The following CLGN variants were observed in gnomAD, a reference collection of about 807,000 sequenced individuals.
CLGN encodes the protein testis tissue sperm-binding protein Li 79P.
In CLGN, 62 loss-of-function variants were observed where a neutral mutation model predicts 79.1. The ratio of observed to expected loss-of-function variants is 0.78; its 90% CI spans 0.64 to 0.97. CLGN has a LOEUF of 0.97. CLGN is among the 50% of genes least tolerant of loss of function. The pLI is 0.00. For synonymous variants in CLGN, 225 were observed against 224.7 expected (o/e 1.00, Z -0.01); for missense variants, 647 against 715.5 (o/e 0.90, Z 1.09).
At position 140,392,214 on chromosome 4, in the gene CLGN, C is replaced by T; in HGVS notation, c.1651+5G>A. 1 of 1,611,926 alleles carries T rather than the reference C, an allele frequency of 6.2e-7. No homozygotes were observed. Among genetic ancestry groups the T allele is most frequent in the Non-Finnish European group, 8.5e-7 (1 of 1,179,088 alleles). On this transcript the variant is annotated splice_donor_5th_base_variant and intron_variant, in intron 13 of 14. Transcript: ENST00000325617. ...CTCCATTATAAATCACTCTCATCATCTTACCTTTTTCAAGCATTTCACCAT... is the reference window on the plus strand; with the variant it reads ...CTCCATTATAAATCACTCTCATCATTTTACCTTTTTCAAGCATTTCACCAT...
chr4:140,398,926 G>T lies in CLGN; in HGVS notation c.809C>A (p.Pro270His), dbSNP rs1476801105. ...PIKPPKEIED[P>H]NDKKPEEWDE... ...CCATTCCTCAGGTTTTTTATCATTGGGATCTTCAATTTCTTTGGGAGGTTT... is the reference window on the plus strand; with the variant it reads ...CCATTCCTCAGGTTTTTTATCATTGTGATCTTCAATTTCTTTGGGAGGTTT... Residue 270 changes from proline to histidine, a missense_variant, in exon 8 of 15, where the codon CCC (proline) becomes CAC (histidine). Pro to His is a moderately conservative substitution (Grantham distance 77, BLOSUM62 -2). Transcript: ENST00000325617. The T allele has an allele frequency of 1.2e-6, 2 of 1,613,652 alleles. No individual in the cohort carries two copies. Among genetic ancestry groups the T allele is most frequent in the African/African-American group, 2.7e-5 (2 of 74,842 alleles).
At chr4:140,402,481 G>A (rs574090411) in intron 5 of CLGN, among the ~76,000 whole-genome samples, 2 of 151,988 alleles carry the variant, frequency 1.3e-5, no homozygotes, top group South Asian at 4.1e-4. Context: ...AGATTTCTAC[G>A]AAATTGCTAA....
chr4:140,392,197 T>C (rs763034849), intron 13 of CLGN, 22 bp downstream of exon 13: 2 of 1,609,546 alleles, frequency 1.2e-6, no homozygotes, highest in Non-Finnish European at 1.7e-6. Context: ...GTCTCCATTA[T>C]AAATCACTCT....
In CLGN at chr4:140,396,234, T is replaced by A. The variant is rs374979081; in HGVS notation, c.885-29A>T. ...TAAATACAACGTTTTATATTACTAA[T>A]TATTCAGAAAGTTTAAAAATGCATG... On this transcript the variant is annotated intron_variant, in intron 8 of 14. Transcript: ENST00000325617. 3 of 1,520,316 alleles carry A rather than the reference T, an allele frequency of 2.0e-6. No homozygotes were observed. The African/African-American group carries it at 4.1e-5, about 21-fold the overall frequency. 94.2% of individuals were successfully genotyped at this position (1,520,316 alleles called of 1,614,324 possible).
intron 1 of CLGN, among the ~76,000 whole-genome samples, chr4:140,427,118 C>CG (rs35118155): frequency 0.9 from 137,509 of 151,994 alleles, 62,651 homozygotes; most frequent in East Asian, 0.99. Flanking sequence ...GAGAGCGCCC[C>CG]GGGCTCAAGC....
intron 3 of CLGN, 73 bp downstream of exon 3, chr4:140,410,480 T>C: frequency 9.4e-7 from 1 of 1,069,204 alleles, no homozygotes; most frequent in Admixed American, 2.0e-5. Flanking sequence ...GAGATAATTT[T>C]CATAGGCCAA....
intron 1 of CLGN, among the ~76,000 whole-genome samples, chr4:140,418,897 T>G (rs1729401719): frequency 6.6e-6 from 1 of 152,188 alleles, no homozygotes. Context: ...TAAAGACTCA[T>G]GCACACGTAT....
At chr4:140,400,601 T>G in intron 6 of CLGN, 52 bp from the exon 7 acceptor site, 2 of 1,180,470 alleles carry the variant, frequency 1.7e-6, no homozygotes, top group East Asian at 4.9e-5. Context: ...GACTATTTAA[T>G]GCATTTCTGT....
At chr4:140,389,818 A>T (rs1728739859) in intron 14 of CLGN, among the ~76,000 whole-genome samples, 1 of 151,834 alleles carries the variant, frequency 6.6e-6, no homozygotes, top group Non-Finnish European at 1.5e-5. Flanking sequence ...CAATAATTGC[A>T]AATTTATTTG....
At chr4:140,396,239 C>T (rs1331337997) in intron 8 of CLGN, 34 bp from the exon 9 acceptor site, 1 of 1,501,752 alleles carries the variant, frequency 6.7e-7, no homozygotes, top group South Asian at 1.1e-5. Context: ...ACTAATTATT[C>T]AGAAAGTTTA....
Position 140,397,127 on chromosome 4 carries a change from G to A in CLGN, c.885-922C>T, listed in dbSNP as rs1176215333. Among the ~76,000 whole-genome samples, 3 of 151,490 alleles carry A rather than the reference G, an allele frequency of 2.0e-5. No individual in the cohort carries two copies. The East Asian group carries it at 5.8e-4, about 29-fold the overall frequency. Reference sequence around the variant, plus strand: ...ATCTGTGAAAATATAATTGTTAAGAGTATGGACATTTTAAATTTTGATAGT... The same window carrying A: ...ATCTGTGAAAATATAATTGTTAAGAATATGGACATTTTAAATTTTGATAGT... On this transcript the variant is annotated intron_variant, in intron 8 of 14. Coordinates refer to ENST00000325617, the MANE Select transcript of CLGN (RefSeq NM_004362.3).
At chr4:140,393,712 T>C in intron 11 of CLGN, 114 bp downstream of exon 11, 2 of 856,496 alleles carry the variant, frequency 2.3e-6, no homozygotes, top group Non-Finnish European at 3.6e-6. Flanking sequence ...CCTTGGCATT[T>C]AGTAGTTACT....
At chr4:140,389,426 G>T (rs1312971160) in intron 14 of CLGN, 122 bp from the exon 15 acceptor site, 17 of 708,964 alleles carry the variant, frequency 2.4e-5, no homozygotes, top group Non-Finnish European at 3.3e-5. Context: ...TATTATGAAG[G>T]TATTATATGA....
chr4:140,401,134 C>T (rs1203205298), intron 6 of CLGN, among the ~76,000 whole-genome samples: 1 of 152,174 alleles, frequency 6.6e-6, no homozygotes, highest in Non-Finnish European at 1.5e-5. Context: ...AAGCTCTCTG[C>T]ACCTCCATTT....
At chr4:140,426,352 C>T (rs1299666652) in intron 1 of CLGN, among the ~76,000 whole-genome samples, 2 of 152,252 alleles carry the variant, frequency 1.3e-5, no homozygotes, top group Non-Finnish European at 2.9e-5. Flanking sequence ...TACAACACTT[C>T]AATTTCTAGA....
chr4:140,420,594 G>A (rs1387821156), intron 1 of CLGN, among the ~76,000 whole-genome samples: 8 of 151,218 alleles, frequency 5.3e-5, no homozygotes, highest in South Asian at 2.1e-4. Flanking sequence ...TACTTTCTGC[G>A]TAATGCTGCA....
chr4:140,403,369 A>C (rs537979455), intron 5 of CLGN, among the ~76,000 whole-genome samples: 54 of 152,354 alleles, frequency 3.5e-4, no homozygotes, highest in African/African-American at 1.3e-3. Flanking sequence ...ATACATGCTC[A>C]AAATGCTTCT....
chr4:140,418,332 A>T (rs1260792110), intron 1 of CLGN, among the ~76,000 whole-genome samples: 3 of 148,754 alleles, frequency 2.0e-5, no homozygotes, highest in South Asian at 2.2e-4. Flanking sequence ...CAATGGCAAC[A>T]AAAGCCAAAA....
At chr4:140,394,100 T>G in intron 10 of CLGN, 59 bp from the exon 11 acceptor site, 1 of 1,219,036 alleles carries the variant, frequency 8.2e-7, no homozygotes, top group South Asian at 1.4e-5. Context: ...TAAATGCTGC[T>G]TAATAAGTAG....
Sources: gnomAD v4.1 joint callset for allele counts (sites outside exome capture counted in the v4.1 genomes callset) on GRCh38, gnomAD v4.1.1 for gene constraint, MANE v1.5 for transcripts, NCBI Gene and HGNC (gene_info 2026-07-23, HGNC 2026-07-21) for gene names.